Variants in WASHC4 observed in about 807,000 individuals in gnomAD.
The protein encoded by WASHC4 is WASH complex subunit 7.
In WASHC4, 86 loss-of-function variants were observed where a neutral mutation model predicts 166.6. The observed-to-expected ratio is 0.52, with a 90% CI of 0.43 to 0.62. The LOEUF (loss-of-function observed/expected upper bound fraction) is 0.62, where lower values mean the gene tolerates loss of function less well. WASHC4 is among the 20% of genes least tolerant of loss of function. WASHC4 has a pLI of 0.00. For synonymous variants in WASHC4, 446 were observed against 451.6 expected (o/e 0.99, Z 0.16); for missense variants, 1,262 against 1,382.4 (o/e 0.91, Z 1.38).
chr12:105,118,845 G>A (rs1057494732), intron 7 of WASHC4, among the ~76,000 whole-genome samples: 2 of 152,094 alleles, frequency 1.3e-5, no homozygotes, highest in Non-Finnish European at 2.9e-5. Flanking sequence ...TACACGAATG[G>A]TTGCCTGACT....
intron 14 of WASHC4, among the ~76,000 whole-genome samples, 169 bp downstream of exon 14, chr12:105,134,065 A>C (rs906771475): frequency 2.0e-5 from 3 of 152,108 alleles, no homozygotes; most frequent in African/African-American, 4.8e-5. Flanking sequence ...CTAACAACCC[A>C]TTCAAAGCTC....
In WASHC4 at chr12:105,121,102, CTATG is replaced by C; in HGVS notation, c.568_571del (p.Tyr190SerfsTer7). ...TAATCATTAAAGGTTTTTTGACAGA[CTATG>C]TATGAGCACTTGGGAGAACTGCTAA... On this transcript the variant is annotated frameshift_variant and splice_region_variant, in exon 9 of 33. Coordinates refer to ENST00000332180, the MANE Select transcript of WASHC4 (RefSeq NM_015275.3). LOFTEE classifies it high-confidence loss of function. The C allele has an allele frequency of 3.1e-6, 5 of 1,607,184 alleles. No individual in the cohort carries two copies. Among genetic ancestry groups the C allele is most frequent in the Non-Finnish European group, 4.3e-6 (5 of 1,174,204 alleles).
intron 13 of WASHC4, among the ~76,000 whole-genome samples, chr12:105,131,786 A>G (rs990402028): frequency 5.3e-5 from 8 of 152,232 alleles, no homozygotes; most frequent in African/African-American, 1.9e-4. Context: ...GCACCACTCT[A>G]AGCAAAGCCA....
At chr12:105,119,003 T>C (rs1185723246) in intron 7 of WASHC4, among the ~76,000 whole-genome samples, 1 of 152,212 alleles carries the variant, frequency 6.6e-6, no homozygotes, top group Non-Finnish European at 1.5e-5. Flanking sequence ...GTAAAATTTA[T>C]TTAAATTAAA....
At chr12:105,146,986 G>C (rs1883349294) in intron 23 of WASHC4, 56 bp from the exon 24 acceptor site, 1 of 935,826 alleles carries the variant, frequency 1.1e-6, no homozygotes, top group Non-Finnish European at 1.8e-6. Context: ...ATACCTGTTT[G>C]ACCAGTGTTT....
At chr12:105,141,101 C>T in intron 17 of WASHC4, 56 bp downstream of exon 17, 1 of 1,609,544 alleles carries the variant, frequency 6.2e-7, no homozygotes, top group Non-Finnish European at 8.5e-7. Flanking sequence ...TTTCACAGTT[C>T]CCTTGTTACT....
chr12:105,145,089 C>T (rs1367659056), intron 22 of WASHC4, among the ~76,000 whole-genome samples: 2 of 151,304 alleles, frequency 1.3e-5, no homozygotes, highest in Non-Finnish European at 3.0e-5. Flanking sequence ...TATATTCAGC[C>T]TTCTGTTGAG....
intron 26 of WASHC4, among the ~76,000 whole-genome samples, chr12:105,153,269 T>G (rs1883908113): frequency 6.6e-6 from 1 of 152,226 alleles, no homozygotes; most frequent in Non-Finnish European, 1.5e-5. Flanking sequence ...AAGCATCTGT[T>G]ATGCCACATT....
Position 105,115,184 on chromosome 12 carries a change from G to T in WASHC4, c.322G>T (p.Ala108Ser). 1 of 1,519,400 alleles carries T rather than the reference G, an allele frequency of 6.6e-7. No individual in the cohort carries two copies. The highest frequency in any genetic ancestry group is 9.1e-7 in the Non-Finnish European group (1 of 1,095,394). The allele number at this position is 1,519,400 out of a possible 1,614,324, so 94.1% of individuals were successfully genotyped here. ...CCEIKKLKYEAETKFYNGLLF... is the reference protein window; with the variant it reads ...CCEIKKLKYESETKFYNGLLF... ...ATTTTAATTTTTTTCTTAAAAACAG[G>T]CTGAAACTAAATTTTACAATGGTCT... is the stretch of plus-strand genomic sequence containing the variant. The change falls in exon 5 of 33, where the codon GCT (alanine) becomes TCT (serine). Residue 108 changes from alanine (A) to serine (S), a missense_variant and splice_region_variant. Physicochemically the swap from Ala to Ser is moderately conservative, Grantham distance 99. Coordinates refer to ENST00000332180, the MANE Select transcript of WASHC4 (RefSeq NM_015275.3).
chr12:105,115,808 C>A, intron 6 of WASHC4, 80 bp downstream of exon 6: 1 of 851,768 alleles, frequency 1.2e-6, no homozygotes, highest in Non-Finnish European at 2.0e-6. Flanking sequence ...AGTTCTGAAA[C>A]CTTCAAATAC....
intron 32 of WASHC4, among the ~76,000 whole-genome samples, chr12:105,165,597 C>T (rs1053400466): frequency 1.8e-4 from 27 of 152,072 alleles, no homozygotes; most frequent in African/African-American, 6.3e-4. Context: ...AGATATAAAG[C>T]TCTTCATAAA....
intron 13 of WASHC4, among the ~76,000 whole-genome samples, chr12:105,127,697 G>A (rs931575188): frequency 2.0e-5 from 3 of 151,960 alleles, no homozygotes; most frequent in Non-Finnish European, 2.9e-5. Context: ...TTATTTTTAT[G>A]AAAATAGTAT....
At chr12:105,141,075 G>A (rs761774326) in intron 17 of WASHC4, 30 bp downstream of exon 17, 2 of 1,613,538 alleles carry the variant, frequency 1.2e-6, no homozygotes, top group South Asian at 2.2e-5. Context: ...TTATGGAACA[G>A]AAATGAGATC....
rs766649786 is a variant in WASHC4, at chr12:105,121,096, G to A, written c.562-5G>A. On this transcript the variant is annotated splice_region_variant and splice_polypyrimidine_tract_variant and intron_variant, in intron 8 of 32. Coordinates refer to ENST00000332180, the MANE Select transcript of WASHC4 (RefSeq NM_015275.3). ...AAATGATAATCATTAAAGGTTTTTTGACAGACTATGTATGAGCACTTGGGA... is the reference window on the plus strand; with the variant it reads ...AAATGATAATCATTAAAGGTTTTTTAACAGACTATGTATGAGCACTTGGGA... The A allele has an allele frequency of 6.2e-7, 1 of 1,603,500 alleles. No individual in the cohort carries two copies. Among genetic ancestry groups the A allele is most frequent in the Non-Finnish European group, 8.5e-7 (1 of 1,171,028 alleles).
At chr12:105,147,436 CAT>C (rs761040855) in intron 24 of WASHC4, 13 of 420,854 alleles carry the variant, frequency 3.1e-5, no homozygotes, top group East Asian at 1.6e-4. Flanking sequence ...TGTGTGCACA[CAT>C]ATATATATGT....
At chr12:105,156,618 G>T in intron 26 of WASHC4, 108 bp from the exon 27 acceptor site, 1 of 776,270 alleles carries the variant, frequency 1.3e-6, no homozygotes, top group Non-Finnish European at 2.1e-6. Context: ...AAAATATTTT[G>T]GTTCTTAGGA....
chr12:105,108,053 T>A (rs1038253128), intron 1 of WASHC4, among the ~76,000 whole-genome samples, 192 bp downstream of exon 1: 1 of 152,008 alleles, frequency 6.6e-6, no homozygotes, highest in Non-Finnish European at 1.5e-5. Context: ...CCACGGCGGG[T>A]CAGGCTGCCC....
intron 13 of WASHC4, 21 bp downstream of exon 13, chr12:105,127,310 T>A (rs1881379892): frequency 3.4e-6 from 5 of 1,488,732 alleles, no homozygotes. Flanking sequence ...TAAACAAGTA[T>A]AATGAAAATA....
At chr12:105,114,489 T>G (rs1879987488) in intron 4 of WASHC4, 62 bp downstream of exon 4, 3 of 1,054,084 alleles carry the variant, frequency 2.8e-6, no homozygotes, top group African/African-American at 1.6e-5. Flanking sequence ...AGTATGTGTT[T>G]ATATATGTAC....
Sources: allele counts gnomAD v4.1 joint callset (sites outside exome capture counted in the v4.1 genomes callset), GRCh38; gene constraint gnomAD v4.1.1; transcripts MANE v1.5; gene names NCBI Gene and HGNC (gene_info 2026-07-23, HGNC 2026-07-21).